Variants in CNTNAP2 observed in about 807,000 individuals in gnomAD.
CNTNAP2 encodes contactin-associated protein-like 2.
A neutral mutation model predicts 155.2 loss-of-function variants in CNTNAP2; 98 were observed. That is an observed-to-expected ratio of 0.63 (90% CI 0.54 to 0.75). CNTNAP2 has a LOEUF of 0.75. Among genes scored for constraint, CNTNAP2 ranks in the 30% least tolerant of loss-of-function variants. The probability of loss-of-function intolerance (pLI) is 0.00; values close to 1 mark genes in which losing one functional copy is unlikely to be tolerated. For missense variants in CNTNAP2, 1,727 were observed against 1,688.1 expected, an observed-to-expected ratio of 1.02 and a Z score of -0.40; for synonymous variants, 651 against 631.2, an observed-to-expected ratio of 1.03 and a Z score of -0.47.
chr7:146,302,717 A>G (rs535744974), intron 1 of CNTNAP2, among the ~76,000 whole-genome samples: 118 of 152,260 alleles, frequency 7.7e-4, no homozygotes, highest in African/African-American at 2.6e-3. Flanking sequence ...GGGTCAAACC[A>G]TACAATTCCA....
chr7:146,381,305 A>G (rs1317135723), intron 1 of CNTNAP2, among the ~76,000 whole-genome samples: 3 of 152,220 alleles, frequency 2.0e-5, no homozygotes, highest in Non-Finnish European at 1.5e-5. Flanking sequence ...GAACAAATCT[A>G]TAAGGATCTT....
intron 1 of CNTNAP2, among the ~76,000 whole-genome samples, chr7:146,636,389 A>G (rs1444640318): frequency 6.6e-6 from 1 of 152,202 alleles, no homozygotes; most frequent in Non-Finnish European, 1.5e-5. Flanking sequence ...ATACACACAC[A>G]TATGAAATTC....
chr7:147,157,045 G>A (rs1357063423), intron 8 of CNTNAP2, among the ~76,000 whole-genome samples: 1 of 152,002 alleles, frequency 6.6e-6, no homozygotes, highest in Non-Finnish European at 1.5e-5. Context: ...TTGTCTCCAG[G>A]CATGGCTTTT....
At chr7:146,702,949 T>C (rs574221990) in intron 1 of CNTNAP2, among the ~76,000 whole-genome samples, 11 of 152,294 alleles carry the variant, frequency 7.2e-5, no homozygotes, top group Admixed American at 2.0e-4. Flanking sequence ...AAAGCTTTGT[T>C]GTTGATCTTA....
intron 3 of CNTNAP2, among the ~76,000 whole-genome samples, chr7:146,991,513 T>A (rs1008046652): frequency 2.2e-4 from 33 of 152,180 alleles, no homozygotes; most frequent in Admixed American, 2.2e-3. Context: ...TGATGAAATG[T>A]TTCAAGGTTG....
intron 13 of CNTNAP2, among the ~76,000 whole-genome samples, chr7:147,794,396 A>G (rs1797860960): frequency 6.6e-6 from 1 of 151,888 alleles, no homozygotes; most frequent in Non-Finnish European, 1.5e-5. Context: ...CTTTTTCTGT[A>G]TTTATTGAGA....
At chr7:147,606,765 C>T (rs962950386) in intron 12 of CNTNAP2, among the ~76,000 whole-genome samples, 3 of 152,002 alleles carry the variant, frequency 2.0e-5, no homozygotes, top group African/African-American at 7.2e-5. Context: ...AGCTGATCTG[C>T]GCTTGGCCTT....
intron 8 of CNTNAP2, among the ~76,000 whole-genome samples, chr7:147,140,314 C>T (rs1048378796): frequency 6.6e-6 from 1 of 151,964 alleles, no homozygotes; most frequent in Admixed American, 6.6e-5. Context: ...GATCTTGCTA[C>T]CCCTAGACGT....
rs150983393 is a variant in CNTNAP2 at position 147,583,657 on chromosome 7, G to C, written c.1897+21400G>C. On this transcript the variant is annotated intron_variant, in intron 12 of 23. Transcript: ENST00000361727. ...AAAGTTTAACTCTTTGCAGATAATT[G>C]TATTCCTCACATGTCCACATTGTGG... Among the ~76,000 whole-genome samples the C allele has an allele frequency of 3.7e-3, 561 of 151,778 alleles. 1 individual carries two copies. The highest frequency in any genetic ancestry group is 0.012 in the African/African-American group (514 of 41,372).
At chr7:147,525,957 T>C (rs1275284406) in intron 11 of CNTNAP2, among the ~76,000 whole-genome samples, 2 of 151,658 alleles carry the variant, frequency 1.3e-5, no homozygotes, top group Non-Finnish European at 2.9e-5. Context: ...CTTCGGAAGG[T>C]TGAGGCAGGC....
chr7:148,144,798 A>G (rs1805144333), intron 16 of CNTNAP2, among the ~76,000 whole-genome samples: 2 of 152,234 alleles, frequency 1.3e-5, no homozygotes, highest in Admixed American at 1.3e-4. Flanking sequence ...CTCCAACTGG[A>G]GACACACATT....
intron 3 of CNTNAP2, among the ~76,000 whole-genome samples, chr7:146,899,026 A>C (rs1795938907): frequency 1.3e-5 from 2 of 152,160 alleles, no homozygotes; most frequent in Non-Finnish European, 2.9e-5. Context: ...TTTGTGTGGC[A>C]CTGGAAACTT....
chr7:147,012,312 G>A (rs1798642362), intron 3 of CNTNAP2, among the ~76,000 whole-genome samples: 1 of 152,120 alleles, frequency 6.6e-6, no homozygotes, highest in Non-Finnish European at 1.5e-5. Flanking sequence ...ATTCTTGTTT[G>A]TAGAAATTAC....
At chr7:146,611,536 TC>T (rs1315577350) in intron 1 of CNTNAP2, among the ~76,000 whole-genome samples, 1 of 152,086 alleles carries the variant, frequency 6.6e-6, no homozygotes, top group African/African-American at 2.4e-5. Flanking sequence ...GTATTTGAGG[TC>T]TAAAATCAGG....
chr7:147,725,127 C>G (rs1216233132), intron 13 of CNTNAP2, among the ~76,000 whole-genome samples: 1 of 151,990 alleles, frequency 6.6e-6, no homozygotes, highest in African/African-American at 2.4e-5. Flanking sequence ...ACACTCATAA[C>G]CTTTCCTTTT....
intron 1 of CNTNAP2, among the ~76,000 whole-genome samples, chr7:146,572,046 C>G (rs1048152345): frequency 2.6e-5 from 4 of 152,138 alleles, no homozygotes; most frequent in Admixed American, 2.6e-4. Context: ...AACGTGAGTT[C>G]TGTGGGTTGC....
intron 1 of CNTNAP2, among the ~76,000 whole-genome samples, chr7:146,389,025 G>A (rs541083308): frequency 4.3e-4 from 65 of 152,144 alleles, no homozygotes; most frequent in African/African-American, 1.5e-3. Context: ...CAAATTAATA[G>A]CACAAGTGTT....
intron 1 of CNTNAP2, among the ~76,000 whole-genome samples, chr7:146,411,236 A>C (rs1207956730): frequency 2.0e-5 from 3 of 150,716 alleles, no homozygotes; most frequent in Admixed American, 6.6e-5. Flanking sequence ...GGCTCACTAC[A>C]ACTTCTGCCT....
chr7:146,284,397 C>T, intron 1 of CNTNAP2, among the ~76,000 whole-genome samples: 1 of 151,800 alleles, frequency 6.6e-6, no homozygotes, highest in East Asian at 1.9e-4. Context: ...TACATAAAAG[C>T]TTTACAAGGT....
Sources: gnomAD v4.1 joint callset for allele counts (sites outside exome capture counted in the v4.1 genomes callset) on GRCh38, gnomAD v4.1.1 for gene constraint, MANE v1.5 for transcripts, NCBI Gene and HGNC (gene_info 2026-07-23, HGNC 2026-07-21) for gene names.